The following PREX1 variants were observed in gnomAD, a reference collection of about 807,000 sequenced individuals.
The protein encoded by PREX1 is phosphatidylinositol-3,4,5-trisphosphate dependent Rac exchange factor 1.
A neutral mutation model predicts 198.3 loss-of-function variants in PREX1; 41 were observed. The observed-to-expected ratio is 0.21, with a 90% confidence interval of 0.16 to 0.27. PREX1 has a LOEUF of 0.27. PREX1 is among the 10% of genes least tolerant of loss of function. PREX1 has a pLI of 1.00. For missense variants in PREX1, 1,620 were observed against 2,200.7 expected, an observed-to-expected ratio of 0.74 and a Z score of 5.28; for synonymous variants, 843 against 887.2, an observed-to-expected ratio of 0.95 and a Z score of 0.89.
chr20:48,875,922 C>G, the PREX1 span, among the ~76,000 whole-genome samples: 1 of 152,158 alleles, frequency 6.6e-6, no homozygotes, highest in Non-Finnish European at 1.5e-5. Context: ...GCTCAGGCTC[C>G]TGGAGGAGAA....
intron 3 of PREX1, among the ~76,000 whole-genome samples, chr20:48,737,469 C>A (rs937043076): frequency 6.6e-6 from 1 of 152,038 alleles, no homozygotes; most frequent in African/African-American, 2.4e-5. Context: ...ATGGGGTCAG[C>A]GGCCACTGGC....
At chr20:48,693,166 G>A (rs1226536750) in intron 7 of PREX1, among the ~76,000 whole-genome samples, 1 of 151,000 alleles carries the variant, frequency 6.6e-6, no homozygotes, top group Non-Finnish European at 1.5e-5. Context: ...AGAATGGAAG[G>A]AGGGCTTGGA....
At chr20:48,836,151 C>T in the PREX1 span, among the ~76,000 whole-genome samples, 12 of 152,100 alleles carry the variant, frequency 7.9e-5, no homozygotes, top group East Asian at 2.1e-3. Flanking sequence ...GAAGATGGAG[C>T]GTTTGGTTTT....
chr20:48,816,003 C>CTAA (rs898924044), intron 1 of PREX1, among the ~76,000 whole-genome samples: 3 of 136,736 alleles, frequency 2.2e-5, no homozygotes, highest in Non-Finnish European at 4.6e-5. Context: ...GAGTGAGACT[C>CTAA]TGTCTCAAAA....
chr20:48,767,426 G>A (rs1373478115), intron 1 of PREX1, among the ~76,000 whole-genome samples: 1 of 152,178 alleles, frequency 6.6e-6, no homozygotes, highest in Non-Finnish European at 1.5e-5. Flanking sequence ...CTGAGAGCTG[G>A]AAGATGGAGG....
At chr20:48,785,196 G>C (rs1262451489) in intron 1 of PREX1, among the ~76,000 whole-genome samples, 1 of 152,232 alleles carries the variant, frequency 6.6e-6, no homozygotes, top group Non-Finnish European at 1.5e-5. Flanking sequence ...TTACAGGCGT[G>C]AGCCACTGCA....
chr20:48,865,669 C>T, the PREX1 span, among the ~76,000 whole-genome samples: 2 of 152,136 alleles, frequency 1.3e-5, no homozygotes, highest in African/African-American at 4.8e-5. Flanking sequence ...CAATGAAGAT[C>T]GAAGTTTCAA....
chr20:48,712,863 C>T (rs2869670), intron 5 of PREX1, among the ~76,000 whole-genome samples: 23,434 of 152,226 alleles, frequency 0.15, 2,171 homozygotes, highest in Middle Eastern at 0.29. Context: ...CAGTGGCTCA[C>T]GCCTGTAATC....
Position 48,708,243 on chromosome 20 carries a change from T to C in PREX1, c.783+17A>G. ...GCCCCCTGCGGCCCAGGAAGCCCCC[T>C]CCTGTCCTGTACACACCTCCCAGCC... On this transcript the variant is annotated intron_variant, in intron 6 of 39. Coordinates refer to ENST00000371941, the MANE Select transcript of PREX1 (RefSeq NM_020820.4). 1 of 1,613,130 alleles carries C rather than the reference T, an allele frequency of 6.2e-7. No homozygotes were observed. Among genetic ancestry groups the C allele is most frequent in the East Asian group, 2.2e-5 (1 of 44,876 alleles).
intron 8 of PREX1, 114 bp downstream of exon 8, chr20:48,692,558 A>G (rs558649485): frequency 1.2e-6 from 1 of 828,104 alleles, no homozygotes; most frequent in African/African-American, 1.7e-5. Context: ...ACTTTTCTGT[A>G]GGTAGATTAC....
intron 1 of PREX1, among the ~76,000 whole-genome samples, chr20:48,770,651 A>G (rs963174740): frequency 6.6e-6 from 1 of 152,194 alleles, no homozygotes; most frequent in Non-Finnish European, 1.5e-5. Flanking sequence ...CAGAGGTTGC[A>G]GTGAGCCAAG....
At position 48,645,860 on chromosome 20, in the gene PREX1, T is replaced by C; in HGVS notation, c.3503A>G (p.Asp1168Gly). ...DSGHDTMSYR[D>G]SYSECNSNRD... ...TGACGGTGACACCCACCTGTAGGAGTCGCGATAACTCATGGTGTCGTGGCC... is the reference window on the plus strand; with the variant it reads ...TGACGGTGACACCCACCTGTAGGAGCCGCGATAACTCATGGTGTCGTGGCC... Residue 1168 changes from aspartate (D) to glycine (G), a missense_variant, in exon 26 of 40, where the codon GAC (aspartate) becomes GGC (glycine). Transcript: ENST00000371941. 3 of 1,613,774 alleles carry C rather than the reference T, an allele frequency of 1.9e-6. No homozygotes were observed. The highest frequency in any genetic ancestry group is 2.5e-6 in the Non-Finnish European group (3 of 1,179,906).
chr20:48,789,579 C>G (rs547642681), intron 1 of PREX1, among the ~76,000 whole-genome samples: 3 of 152,278 alleles, frequency 2.0e-5, no homozygotes, highest in Admixed American at 2.0e-4. Flanking sequence ...ATCAGCCAGC[C>G]CCCACGCAGC....
chr20:48,625,895 C>T lies in PREX1; in HGVS notation c.4970G>A (p.Gly1657Glu). 1 of 1,561,758 alleles carries T rather than the reference C, an allele frequency of 6.4e-7. No individual in the cohort carries two copies. The highest frequency in any genetic ancestry group is 8.6e-7 in the Non-Finnish European group (1 of 1,156,812). ...LYRLCQPPVD[G>E]DL ...GGGGCATTTGGGTGTTCAGAGGTCC[C>T]CATCCACCGGCGGCTGGCAGAGGCG... The change falls in exon 40 of 40, where the codon GGG (glycine) becomes GAG (glutamate). Residue 1657 changes from glycine (G) to glutamate (E), a missense_variant. Gly to Glu is a moderately conservative substitution (Grantham distance 98). Coordinates refer to ENST00000371941, the MANE Select transcript of PREX1 (RefSeq NM_020820.4).
At chr20:48,681,211 A>G in intron 11 of PREX1, 24 bp downstream of exon 11, 1 of 1,605,300 alleles carries the variant, frequency 6.2e-7, no homozygotes, top group South Asian at 1.1e-5. Flanking sequence ...CCCTTGGCCC[A>G]GCTGGGCCCA....
At chr20:48,780,757 T>C (rs1770112308) in intron 1 of PREX1, among the ~76,000 whole-genome samples, 1 of 152,154 alleles carries the variant, frequency 6.6e-6, no homozygotes, top group African/African-American at 2.4e-5. Context: ...GACCCACCGG[T>C]GGATGCTAAA....
At chr20:48,685,449 C>T (rs1203736598) in intron 10 of PREX1, among the ~76,000 whole-genome samples, 5 of 152,240 alleles carry the variant, frequency 3.3e-5, no homozygotes, top group Non-Finnish European at 5.9e-5. Context: ...GTGCTGCACA[C>T]GTCACGTGTT....
At chr20:48,646,584 G>T (rs764491302) in intron 25 of PREX1, among the ~76,000 whole-genome samples, 1 of 151,726 alleles carries the variant, frequency 6.6e-6, no homozygotes, top group Non-Finnish European at 1.5e-5. Flanking sequence ...CCAGCTACTC[G>T]GGAGGCTCGT....
At chr20:48,747,506 G>A (rs1369880559) in intron 2 of PREX1, among the ~76,000 whole-genome samples, 2 of 152,250 alleles carry the variant, frequency 1.3e-5, no homozygotes, top group Non-Finnish European at 2.9e-5. Context: ...AAGCCAGAGG[G>A]CCTGACACGA....
Sources: gnomAD v4.1 joint callset for allele counts (sites outside exome capture counted in the v4.1 genomes callset) on GRCh38, gnomAD v4.1.1 for gene constraint, MANE v1.5 for transcripts, NCBI Gene and HGNC (gene_info 2026-07-23, HGNC 2026-07-21) for gene names.